ANK3: variants seen among roughly 807,000 people sequenced by gnomAD.
ANK3 encodes ankyrin-3.
In ANK3, 57 loss-of-function variants were observed where a neutral mutation model predicts 370.9. That is an observed-to-expected ratio of 0.15 (90% confidence interval 0.12 to 0.19). The LOEUF (loss-of-function observed/expected upper bound fraction) is 0.19, where lower values mean the gene tolerates loss of function less well. Among genes scored for constraint, ANK3 ranks in the 10% least tolerant of loss-of-function variants. ANK3 has a pLI of 1.00. For synonymous variants in ANK3, 1,929 were observed against 1,946.3 expected (o/e 0.99, Z 0.23); for missense variants, 4,439 against 5,302.1 (o/e 0.84, Z 5.06).
At chr10:60,123,559 C>T (rs1258832327) in intron 25 of ANK3, among the ~76,000 whole-genome samples, 1 of 152,170 alleles carries the variant, frequency 6.6e-6, no homozygotes, top group Non-Finnish European at 1.5e-5. Context: ...TAATTCTCTA[C>T]GTTGCTGACT....
At chr10:60,504,971 A>C (rs2075896369) in intron 2 of ANK3, among the ~76,000 whole-genome samples, 1 of 152,148 alleles carries the variant, frequency 6.6e-6, no homozygotes, top group African/African-American at 2.4e-5. Context: ...AGGGATCATT[A>C]TAACTTTTCT....
chr10:60,472,966 A>C (rs552139885), intron 2 of ANK3, among the ~76,000 whole-genome samples: 1 of 152,324 alleles, frequency 6.6e-6, no homozygotes, highest in East Asian at 1.9e-4. Context: ...GCAGCAACCT[A>C]CAGTTCCCCC....
At chr10:60,321,932 G>A (rs575771930) in intron 1 of ANK3, among the ~76,000 whole-genome samples, 7 of 152,042 alleles carry the variant, frequency 4.6e-5, no homozygotes, top group African/African-American at 7.2e-5. Context: ...GAACTCTTGC[G>A]GTGGGGGGTG....
At chr10:60,583,006 C>T (rs1315753425) in intron 2 of ANK3, among the ~76,000 whole-genome samples, 2 of 152,154 alleles carry the variant, frequency 1.3e-5, no homozygotes, top group Non-Finnish European at 2.9e-5. Flanking sequence ...AATCCCACTA[C>T]TAGGTATATA....
intron 1 of ANK3, among the ~76,000 whole-genome samples, chr10:60,732,080 A>T (rs1020554304): frequency 1.3e-5 from 2 of 152,146 alleles, no homozygotes; most frequent in African/African-American, 4.8e-5. Context: ...ATAACTTAAA[A>T]CTAGGTGAAC....
Position 60,584,020 on chromosome 10 carries a change from T to A in ANK3, c.96+31166A>T, listed in dbSNP as rs141884994. On this transcript the variant is annotated intron_variant, in intron 2 of 43. Transcript: ENST00000373827. ...CATTGTACCCCCAAAATATGTATGATTATGTGTCAGTCATTTTTAAAAAGA... is the reference window on the plus strand; with the variant it reads ...CATTGTACCCCCAAAATATGTATGAATATGTGTCAGTCATTTTTAAAAAGA... Among the ~76,000 whole-genome samples the A allele has an allele frequency of 9.2e-3, 1,403 of 152,286 alleles. 9 individuals are homozygous for A. Among genetic ancestry groups the A allele is most frequent in the South Asian group, 0.018 (89 of 4,824 alleles).
At chr10:60,223,355 G>C (rs1269015243) in intron 8 of ANK3, among the ~76,000 whole-genome samples, 1 of 152,162 alleles carries the variant, frequency 6.6e-6, no homozygotes, top group Non-Finnish European at 1.5e-5. Context: ...AGTTGAGCTA[G>C]ATCTCTTTAC....
intron 7 of ANK3, among the ~76,000 whole-genome samples, chr10:60,248,862 C>T (rs1480557779): frequency 6.6e-6 from 1 of 152,184 alleles, no homozygotes; most frequent in Non-Finnish European, 1.5e-5. Context: ...TAGTGAGTCT[C>T]TTCCTAACTT....
chr10:60,591,830 A>G (rs2077919193), intron 2 of ANK3, among the ~76,000 whole-genome samples: 1 of 152,220 alleles, frequency 6.6e-6, no homozygotes. Flanking sequence ...GCACAGAAAG[A>G]CAAATATTAC....
chr10:60,182,976 C>T (rs1439340134), intron 17 of ANK3, among the ~76,000 whole-genome samples: 1 of 152,182 alleles, frequency 6.6e-6, no homozygotes, highest in Non-Finnish European at 1.5e-5. Flanking sequence ...GTGTCATGGT[C>T]ACCTATTCTA....
intron 43 of ANK3, among the ~76,000 whole-genome samples, chr10:60,041,390 A>G (rs1465861474): frequency 1.3e-5 from 2 of 152,216 alleles, no homozygotes; most frequent in Non-Finnish European, 2.9e-5. Flanking sequence ...CCTCCGACCC[A>G]GGTTAAGTCT....
chr10:60,635,993 T>A (rs2078549992), intron 1 of ANK3, among the ~76,000 whole-genome samples: 1 of 152,208 alleles, frequency 6.6e-6, no homozygotes, highest in African/African-American at 2.4e-5. Flanking sequence ...AGTGAAACAT[T>A]TTAAGCTTCA....
chr10:60,373,453 T>C (rs929922250), intron 1 of ANK3, among the ~76,000 whole-genome samples: 13 of 151,592 alleles, frequency 8.6e-5, no homozygotes, highest in African/African-American at 3.2e-4. Context: ...AAAGCAGGAG[T>C]TGGTGTGCCC....
intron 2 of ANK3, among the ~76,000 whole-genome samples, chr10:60,609,172 C>G (rs1333207094): frequency 6.6e-6 from 1 of 152,080 alleles, no homozygotes; most frequent in Admixed American, 6.6e-5. Flanking sequence ...ATCCTAACAA[C>G]CCAGTGAGAT....
intron 2 of ANK3, among the ~76,000 whole-genome samples, chr10:60,456,734 G>T (rs569239230): frequency 1.3e-5 from 2 of 152,036 alleles, no homozygotes; most frequent in Admixed American, 6.6e-5. Context: ...TCTTCCTTTG[G>T]TCCTGTACCC....
rs370314200 is a variant in ANK3 at position 60,469,105 on chromosome 10, GTA to G, written c.96+146079_96+146080del. 3.8e-3 allele frequency among the ~76,000 whole-genome samples: 55 copies of G among 14,470 alleles called. 3 individuals are homozygous for G. The highest frequency in any genetic ancestry group is 0.019 in the African/African-American group (52 of 2,702). The allele number at this position is 14,470 out of a possible 152,430, so 9.5% of individuals were successfully genotyped here. ...TATATATATATATATACCACTTTTA[GTA>G]TATATATATATACCACTTTTAGTAT... On this transcript the variant is annotated intron_variant, in intron 2 of 43. Transcript: ENST00000373827.
At chr10:60,235,037 T>C (rs1392399371) in intron 7 of ANK3, among the ~76,000 whole-genome samples, 1 of 152,230 alleles carries the variant, frequency 6.6e-6, no homozygotes, top group African/African-American at 2.4e-5. Context: ...GACTGATGGA[T>C]GAAGTGATAA....
At chr10:60,504,489 C>T (rs554670547) in intron 2 of ANK3, among the ~76,000 whole-genome samples, 1 of 151,974 alleles carries the variant, frequency 6.6e-6, no homozygotes, top group African/African-American at 2.4e-5. Context: ...TTTTTTCCCC[C>T]CCAGAATGTA....
intron 1 of ANK3, among the ~76,000 whole-genome samples, chr10:60,330,879 A>C (rs1026717354): frequency 1.3e-5 from 2 of 152,224 alleles, no homozygotes; most frequent in Admixed American, 6.5e-5. Flanking sequence ...ATGCCCATCA[A>C]TGTTAGACTG....
Sources: gnomAD v4.1 joint callset for allele counts (sites outside exome capture counted in the v4.1 genomes callset) on GRCh38, gnomAD v4.1.1 for gene constraint, MANE v1.5 for transcripts, NCBI Gene and HGNC (gene_info 2026-07-23, HGNC 2026-07-21) for gene names.